Variants in BABAM2 observed in about 807,000 individuals in gnomAD.
BABAM2 encodes BRISC and BRCA1-A complex member 2.
A neutral mutation model predicts 54.7 loss-of-function variants in BABAM2; 31 were observed. The ratio of observed to expected loss-of-function variants is 0.57; its 90% CI spans 0.43 to 0.77. The LOEUF (loss-of-function observed/expected upper bound fraction) is 0.77. Ranked by LOEUF, BABAM2 falls within the 30% of genes least tolerant of loss-of-function variation. BABAM2 has a pLI of 0.00. For missense variants in BABAM2, 364 were observed against 455.8 expected, an observed-to-expected ratio of 0.80 and a Z score of 1.83; for synonymous variants, 167 against 162.9, an observed-to-expected ratio of 1.03 and a Z score of -0.19.
intron 10 of BABAM2, among the ~76,000 whole-genome samples, chr2:28,294,089 G>C (rs1459531203): frequency 2.0e-5 from 3 of 151,674 alleles, no homozygotes; most frequent in Admixed American, 2.0e-4. Context: ...TTCTAAGAAA[G>C]CAAATGGCTG....
intron 7 of BABAM2, among the ~76,000 whole-genome samples, chr2:28,194,575 CTTTTT>C (rs10684650): frequency 6.0e-5 from 6 of 99,198 alleles, no homozygotes; most frequent in South Asian, 7.0e-4. Context: ...ACAACGTAGA[CTTTTT>C]TTTTTTTTTT....
intron 11 of BABAM2, among the ~76,000 whole-genome samples, chr2:28,321,512 G>T (rs1051888649): frequency 6.6e-6 from 1 of 152,078 alleles, no homozygotes; most frequent in South Asian, 2.1e-4. Flanking sequence ...AATAGGAATC[G>T]TGTGAAATCT....
upstream of BABAM2, chr2:27,890,636 G>T: frequency 3.3e-6 from 1 of 299,474 alleles, no homozygotes; most frequent in East Asian, 5.5e-5. The surrounding 1 kb of genome is among the most constrained non-coding windows in gnomAD (Gnocchi z 4.8). Context: ...GCACCGCGGG[G>T]ACGCCTTTCC....
In BABAM2 at chr2:28,298,325, T is replaced by C; in HGVS notation, c.935-13T>C. 1.9e-6 allele frequency: 3 copies of C among 1,609,944 alleles called. No homozygotes were observed. Among genetic ancestry groups the C allele is most frequent in the Middle Eastern group, 3.3e-4 (2 of 6,032 alleles). On this transcript the variant is annotated splice_polypyrimidine_tract_variant and intron_variant, in intron 10 of 11. Coordinates refer to ENST00000379624, the MANE Select transcript of BABAM2 (RefSeq NM_199191.3). Reference sequence around the variant, plus strand: ...ATGCTCTAACTTTCTTTTTCTTTCTTCTGTCTTTGCAGTTGACCTGCCTCT... The same window carrying C: ...ATGCTCTAACTTTCTTTTTCTTTCTCCTGTCTTTGCAGTTGACCTGCCTCT...
chr2:27,919,591 T>G (rs1365593944), intron 2 of BABAM2, among the ~76,000 whole-genome samples: 1 of 152,258 alleles, frequency 6.6e-6, no homozygotes, highest in Non-Finnish European at 1.5e-5. Context: ...CTTGTACTTA[T>G]TAAGATAATC....
At chr2:28,098,490 A>C (rs1444839777) in intron 6 of BABAM2, among the ~76,000 whole-genome samples, 1 of 152,230 alleles carries the variant, frequency 6.6e-6, no homozygotes, top group African/African-American at 2.4e-5. Context: ...ATATAGAGCT[A>C]TGACATATAT....
intron 2 of BABAM2, among the ~76,000 whole-genome samples, chr2:27,927,114 G>A (rs1667761972): frequency 6.6e-6 from 1 of 152,138 alleles, no homozygotes; most frequent in Non-Finnish European, 1.5e-5. Flanking sequence ...AATACACTGA[G>A]GTTGCTGGAA....
intron 7 of BABAM2, among the ~76,000 whole-genome samples, chr2:28,200,027 T>C (rs1404956801): frequency 6.6e-6 from 1 of 152,234 alleles, no homozygotes; most frequent in Non-Finnish European, 1.5e-5. Context: ...ACTAAATGTG[T>C]GAAATGTGCC....
intron 9 of BABAM2, among the ~76,000 whole-genome samples, chr2:28,242,188 C>G (rs1682508208): frequency 6.6e-6 from 1 of 152,134 alleles, no homozygotes; most frequent in Non-Finnish European, 1.5e-5. Context: ...AGGTCTCCTG[C>G]TAGGACTCCA....
At chr2:27,952,418 C>G (rs1669801689) in intron 3 of BABAM2, among the ~76,000 whole-genome samples, 2 of 152,130 alleles carry the variant, frequency 1.3e-5, no homozygotes, top group Admixed American at 1.3e-4. Flanking sequence ...GTAATGCTGT[C>G]TTCATATCAG....
intron 10 of BABAM2, among the ~76,000 whole-genome samples, chr2:28,258,613 T>C (rs1269011334): frequency 1.3e-5 from 1 of 79,590 alleles, no homozygotes; most frequent in Non-Finnish European, 2.5e-5. Flanking sequence ...CTTTTTTCTT[T>C]TCTTTTTTTT....
At chr2:28,110,369 A>G (rs1667893288) in intron 6 of BABAM2, among the ~76,000 whole-genome samples, 1 of 152,150 alleles carries the variant, frequency 6.6e-6, no homozygotes, top group African/African-American at 2.4e-5. Flanking sequence ...GATGCCTGTA[A>G]TCCCAGCACT....
chr2:28,191,281 G>C, intron 7 of BABAM2, among the ~76,000 whole-genome samples: 1 of 152,172 alleles, frequency 6.6e-6, no homozygotes, highest in East Asian at 1.9e-4. Flanking sequence ...TGTAGAACTG[G>C]AACTTTTATG....
At chr2:27,945,482 T>A (rs1031557340) in intron 3 of BABAM2, among the ~76,000 whole-genome samples, 1 of 152,196 alleles carries the variant, frequency 6.6e-6, no homozygotes, top group Non-Finnish European at 1.5e-5. Context: ...TTAAATAAGG[T>A]AGTATAAGTC....
In BABAM2 at chr2:28,131,501, G is replaced by A. The variant is rs140953658; in HGVS notation, c.680+2121G>A. 5.9e-3 allele frequency among the ~76,000 whole-genome samples: 894 copies of A among 152,224 alleles called. 7 individuals are homozygous for A. The highest frequency in any genetic ancestry group is 0.014 in the Middle Eastern group (4 of 294). ...GTCAAGCAGATCTAGTTTAAACCTG[G>A]TTCCTGCCACTCACCAGCTGTCACA... On this transcript the variant is annotated intron_variant, in intron 7 of 11. Transcript: ENST00000379624.
intron 6 of BABAM2, among the ~76,000 whole-genome samples, chr2:28,103,304 T>TTGTTTTGTTC (rs1248262132): frequency 6.7e-6 from 1 of 149,740 alleles, no homozygotes; most frequent in Non-Finnish European, 1.5e-5. Flanking sequence ...CTTAGTATTT[T>TTGTTTTGTTC]TGTTTTGTTT....
At chr2:27,985,969 A>G (rs1672368028) in intron 3 of BABAM2, among the ~76,000 whole-genome samples, 1 of 152,176 alleles carries the variant, frequency 6.6e-6, no homozygotes, top group South Asian at 2.1e-4. Flanking sequence ...TGTGTTCTGG[A>G]TTTATTAGGG....
intron 3 of BABAM2, 96 bp downstream of exon 3, chr2:27,930,004 T>C: frequency 5.3e-6 from 6 of 1,123,510 alleles, no homozygotes; most frequent in South Asian, 1.3e-5. Flanking sequence ...TTAGTTGTTA[T>C]CTCCTAAGAT....
intron 7 of BABAM2, among the ~76,000 whole-genome samples, chr2:28,163,415 G>T (rs1158628951): frequency 6.6e-6 from 1 of 152,210 alleles, no homozygotes; most frequent in Non-Finnish European, 1.5e-5. Flanking sequence ...GACCCAGAGA[G>T]CTTTATGCCT....
Sources: allele counts gnomAD v4.1 joint callset (sites outside exome capture counted in the v4.1 genomes callset), GRCh38; gene constraint gnomAD v4.1.1; non-coding constraint Gnocchi (gnomAD v3.1); transcripts MANE v1.5; gene names NCBI Gene and HGNC (gene_info 2026-07-23, HGNC 2026-07-21).